Variants in STAB1 observed in about 807,000 individuals in gnomAD.
STAB1 encodes the protein stabilin 1.
STAB1 carries 250 observed loss-of-function variants against 332.4 expected under a neutral mutation model. The ratio of observed to expected loss-of-function variants is 0.75; its 90% CI spans 0.68 to 0.84. The LOEUF (loss-of-function observed/expected upper bound fraction) is 0.84. STAB1 is among the 40% of genes least tolerant of loss of function. STAB1 has a pLI of 0.00. For synonymous variants in STAB1, 1,475 were observed against 1,390.4 expected (o/e 1.06, Z -1.35); for missense variants, 3,249 against 3,489.7 (o/e 0.93, Z 1.74).
Position 52,505,046 on chromosome 3 carries a change from A to T in STAB1, c.1421A>T (p.Asn474Ile). ...AAAGACCAGCCCCAGCAGACGTTCAACATCTACAAGGCCAACAACATAGCA... is the reference window on the plus strand; with the variant it reads ...AAAGACCAGCCCCAGCAGACGTTCATCATCTACAAGGCCAACAACATAGCA... The part of the protein sequence containing the change: ...KYKDQPQQTF[N>I]IYKANNIAAN... The change falls in exon 13 of 69, where the codon AAC becomes ATC. Residue 474 changes from asparagine (N) to isoleucine (I), a missense_variant. Asn to Ile is a moderately radical substitution (Grantham distance 149, BLOSUM62 -3). Coordinates refer to ENST00000321725, the MANE Select transcript of STAB1 (RefSeq NM_015136.3). 6.2e-7 allele frequency: 1 copy of T among 1,613,870 alleles called. No individual in the cohort carries two copies. The highest frequency in any genetic ancestry group is 8.5e-7 in the Non-Finnish European group (1 of 1,180,012).
At chr3:52,514,048 C>T in intron 32 of STAB1, 67 bp downstream of exon 32, 1 of 1,598,422 alleles carries the variant, frequency 6.3e-7, no homozygotes, top group Non-Finnish European at 8.6e-7. Context: ...CCAGAGGGAC[C>T]TGGCTGGCTC....
chr3:52,519,436 A>AT, intron 49 of STAB1, 32 bp downstream of exon 49: 1 of 1,611,880 alleles, frequency 6.2e-7, no homozygotes, highest in South Asian at 1.1e-5. Context: ...GAGCTGGAAG[A>AT]CAGGCAGGTG....
intron 45 of STAB1, 99 bp downstream of exon 45, chr3:52,518,102 C>A: frequency 6.6e-7 from 1 of 1,525,554 alleles, no homozygotes; most frequent in Non-Finnish European, 8.8e-7. Context: ...CTGATTCTGG[C>A]CCTGACCATG....
At chr3:52,502,953 C>A (rs571659523) in intron 6 of STAB1, 46 bp from the exon 7 acceptor site, 7 of 1,476,958 alleles carry the variant, frequency 4.7e-6, no homozygotes, top group Non-Finnish European at 5.4e-6. Context: ...TGTGTTCCTC[C>A]CCAGCCTGGG....
intron 3 of STAB1, 115 bp downstream of exon 3, chr3:52,501,868 A>G: frequency 1.5e-6 from 2 of 1,357,518 alleles, no homozygotes; most frequent in South Asian, 1.3e-5. Flanking sequence ...ATTAATACTC[A>G]CCGAGCGCCT....
At chr3:52,517,523 A>G in intron 43 of STAB1, 27 bp from the exon 44 acceptor site, 1 of 1,609,992 alleles carries the variant, frequency 6.2e-7, no homozygotes, top group African/African-American at 1.3e-5. Flanking sequence ...GGCTCCCAGC[A>G]GCCCCACTGA....
Position 52,521,964 on chromosome 3 carries a change from G to A in STAB1, c.6271+13G>A. The A allele has an allele frequency of 6.2e-7, 1 of 1,606,752 alleles. No homozygotes were observed. Among genetic ancestry groups the A allele is most frequent in the South Asian group, 1.1e-5 (1 of 90,450 alleles). ...CGTGTGTGTACAGGTAAGCAGATGG[G>A]CGGGGACATGGAGGTGGGAGGCCCC... On this transcript the variant is annotated intron_variant, in intron 58 of 68. Transcript: ENST00000321725.
chr3:52,517,865 C>G lies in STAB1; in HGVS notation c.4639-16C>G, dbSNP rs776306409. The G allele has an allele frequency of 1.9e-6, 3 of 1,612,038 alleles. No homozygotes were observed. Among genetic ancestry groups the G allele is most frequent in the African/African-American group, 1.3e-5 (1 of 75,000 alleles). On this transcript the variant is annotated splice_polypyrimidine_tract_variant and intron_variant, in intron 44 of 68. Coordinates refer to ENST00000321725, the MANE Select transcript of STAB1 (RefSeq NM_015136.3). ...GTGAAAGCCACTGATACCTTCCTCT[C>G]CTGTCCCTGACTCAGAACAATGGAG...
Position 52,521,884 on chromosome 3 carries a change from T to C in STAB1, c.6204T>C (p.Ala2068=). The C allele has an allele frequency of 6.2e-7, 1 of 1,607,246 alleles. No homozygotes were observed. Among genetic ancestry groups the C allele is most frequent in the Non-Finnish European group, 8.5e-7 (1 of 1,175,956 alleles). Residue 2068 remains alanine, a synonymous_variant, in exon 58 of 69, where the codon GCT becomes GCC. Transcript: ENST00000321725. The part of the protein sequence containing the change: ...PVCTPPCAPE[A]VCRAGNSCEC... Reference sequence around the variant, plus strand: ...GTACCCCACCCTGTGCACCCGAGGCTGTGTGCCGTGCAGGCAACAGCTGTG... The same window carrying C: ...GTACCCCACCCTGTGCACCCGAGGCCGTGTGCCGTGCAGGCAACAGCTGTG...
At chr3:52,513,059 G>T (rs894252973) in intron 29 of STAB1, 71 bp from the exon 30 acceptor site, 312 of 1,555,758 alleles carry the variant, frequency 2.0e-4, no homozygotes, top group Non-Finnish European at 2.5e-4. Flanking sequence ...CTTGGGGTGG[G>T]CCCAGCCCCA....
At chr3:52,516,499 G>A in intron 39 of STAB1, 43 bp from the exon 40 acceptor site, 1 of 1,613,512 alleles carries the variant, frequency 6.2e-7, no homozygotes, top group East Asian at 2.2e-5. Context: ...TGAGGAGGCT[G>A]TTCCTGGGTC....
chr3:52,507,370 G>A (rs922463266), intron 18 of STAB1, among the ~76,000 whole-genome samples: 3 of 152,092 alleles, frequency 2.0e-5, no homozygotes, highest in South Asian at 2.1e-4. Context: ...ATCCTCCACC[G>A]CTCCATCCCC....
chr3:52,507,696 C>A (rs773723627), intron 19 of STAB1, 21 bp downstream of exon 19: 1 of 1,613,226 alleles, frequency 6.2e-7, no homozygotes, highest in Admixed American at 1.7e-5. Flanking sequence ...CTTGGCCCAG[C>A]TCTCAGGGCC....
In STAB1 at chr3:52,510,366, G is replaced by A. The variant is rs764246943; in HGVS notation, c.2646G>A (p.Gly882=). The A allele has an allele frequency of 1.9e-6, 3 of 1,613,856 alleles. No homozygotes were observed. The highest frequency in any genetic ancestry group is 2.5e-6 in the Non-Finnish European group (3 of 1,179,994). ...GCSENAECVP[G]SLGTHHCTCH... ...TCTCACAGGCTGAGTGTGTCCCTGG[G>A]TCCCTGGGCACCCACCACTGCACAT... Residue 882 remains glycine, a synonymous_variant, in exon 25 of 69, where the codon GGG becomes GGA. Coordinates refer to ENST00000321725, the MANE Select transcript of STAB1 (RefSeq NM_015136.3).
Position 52,516,039 on chromosome 3 carries a change from A to G in STAB1, c.3949-4A>G. The G allele has an allele frequency of 1.3e-6, 2 of 1,599,214 alleles. No individual in the cohort carries two copies. The highest frequency in any genetic ancestry group is 2.2e-5 in the East Asian group (1 of 44,550). ...CGCCCTCTCTCCCATCCCCACGCCG[A>G]CAGGTGCCGGACTGCTGCCCTGGTT... On this transcript the variant is annotated splice_region_variant and splice_polypyrimidine_tract_variant and intron_variant, in intron 37 of 68. Coordinates refer to ENST00000321725, the MANE Select transcript of STAB1 (RefSeq NM_015136.3).
chr3:52,509,159 T>G (rs1326313980), intron 21 of STAB1, 51 bp from the exon 22 acceptor site: 5 of 1,538,386 alleles, frequency 3.3e-6, no homozygotes, highest in African/African-American at 1.4e-5. Context: ...GGAGAGGGGA[T>G]GTAGAGAGTC....
Position 52,502,643 on chromosome 3 carries a change from G to A in STAB1, c.499G>A (p.Val167Met). The change falls in exon 6 of 69, where the codon GTG becomes ATG. Residue 167 changes from valine to methionine, a missense_variant. Physicochemically the swap from Val to Met is conservative, Grantham distance 21. Coordinates refer to ENST00000321725, the MANE Select transcript of STAB1 (RefSeq NM_015136.3). The part of the protein sequence containing the change: ...GPDCQSVCSC[V>M]HGVCNHGPRG... Reference sequence around the variant, plus strand: ...TGTGTCCCTCCCAGTGTGCAGCTGTGTGCACGGAGTGTGCAACCATGGGCC... The same window carrying A: ...TGTGTCCCTCCCAGTGTGCAGCTGTATGCACGGAGTGTGCAACCATGGGCC... The A allele has an allele frequency of 6.2e-7, 1 of 1,613,202 alleles. No homozygotes were observed. Among genetic ancestry groups the A allele is most frequent in the South Asian group, 1.1e-5 (1 of 91,072 alleles).
rs112166973 is a variant in STAB1, at chr3:52,500,807, G to A, written c.79-359G>A. On this transcript the variant is annotated intron_variant, in intron 1 of 68. Coordinates refer to ENST00000321725, the MANE Select transcript of STAB1 (RefSeq NM_015136.3). ...GGTAGCGGCCATGTCCTGGGCTTCA[G>A]TTTTCTCACCTGAAATGGGCTTGGG... 8.5e-5 allele frequency among the ~76,000 whole-genome samples: 13 copies of A among 152,354 alleles called. 1 individual carries two copies. Among genetic ancestry groups the A allele is most frequent in the African/African-American group, 2.4e-4 (10 of 41,594 alleles).
rs565563207 is a variant in STAB1 at position 52,506,224 on chromosome 3, G to T, written c.1804G>T (p.Val602Phe). ...TCGGATCCTCACCATGGCGAACCAG[G>T]TCCTGGCTGTGAACATTTCTGAGGA... ...KGRILTMANQ[V>F]LAVNISEEGR... The change falls in exon 17 of 69, where the codon GTC becomes TTC. Residue 602 changes from valine (V) to phenylalanine (F), a missense_variant. Physicochemically the swap from Val to Phe is conservative, Grantham distance 50. Coordinates refer to ENST00000321725, the MANE Select transcript of STAB1 (RefSeq NM_015136.3). 2 of 1,612,848 alleles carry T rather than the reference G, an allele frequency of 1.2e-6. No homozygotes were observed. The highest frequency in any genetic ancestry group is 4.5e-5 in the East Asian group (2 of 44,858).
Sources: gnomAD v4.1 joint callset for allele counts (sites outside exome capture counted in the v4.1 genomes callset) on GRCh38, gnomAD v4.1.1 for gene constraint, MANE v1.5 for transcripts, NCBI Gene and HGNC (gene_info 2026-07-23, HGNC 2026-07-21) for gene names.